CTNND2: variants seen among roughly 807,000 people sequenced by gnomAD.
CTNND2 encodes the protein catenin delta 2.
In CTNND2, 22 loss-of-function variants were observed where a neutral mutation model predicts 144.4. The ratio of observed to expected loss-of-function variants is 0.15; its 90% CI spans 0.11 to 0.22. The LOEUF (loss-of-function observed/expected upper bound fraction) is 0.22. Ranked by LOEUF, CTNND2 falls within the 10% of genes least tolerant of loss-of-function variation. The probability of loss-of-function intolerance (pLI) is 1.00; values close to 1 mark genes in which losing one functional copy is unlikely to be tolerated. For missense variants in CTNND2, 1,353 were observed against 1,618.8 expected (o/e 0.84, Z 2.82); for synonymous variants, 751 against 695.6 (o/e 1.08, Z -1.25).
rs553603126 is a variant in CTNND2, at chr5:11,012,103, A to G, written c.3084+5871T>C. On this transcript the variant is annotated intron_variant, in intron 18 of 21. Transcript: ENST00000304623. ...AGCTTGGAAAAGGGTTGTTGAATTA[A>G]TGGCAGCAACTCCCATGGATATATT... Among the ~76,000 whole-genome samples the G allele has an allele frequency of 3.9e-5, 6 of 152,302 alleles. No individual in the cohort carries two copies. The East Asian group carries it at 7.7e-4, about 20-fold the overall frequency.
intron 3 of CTNND2, among the ~76,000 whole-genome samples, chr5:11,465,304 T>C (rs1179559510): frequency 6.8e-6 from 1 of 147,688 alleles, no homozygotes; most frequent in African/African-American, 2.4e-5. Context: ...AAACTGAACT[T>C]TTTTTTTTTT....
chr5:11,781,572 C>T (rs1790543272), intron 1 of CTNND2, among the ~76,000 whole-genome samples: 1 of 152,208 alleles, frequency 6.6e-6, no homozygotes, highest in African/African-American at 2.4e-5. Flanking sequence ...TCTTTGAACA[C>T]AACCTCTGTT....
At chr5:11,372,488 G>T (rs1221998292) in intron 7 of CTNND2, among the ~76,000 whole-genome samples, 1 of 152,142 alleles carries the variant, frequency 6.6e-6, no homozygotes, top group East Asian at 1.9e-4. Flanking sequence ...CTAGTGAAAT[G>T]GATGGAGTGT....
Position 11,698,358 on chromosome 5 carries a change from G to A in CTNND2, c.174+33778C>T, listed in dbSNP as rs549082893. 1.3e-4 allele frequency among the ~76,000 whole-genome samples: 19 copies of A among 150,384 alleles called. No individual in the cohort carries two copies. The East Asian group carries it at 2.9e-3, about 23-fold the overall frequency. ...GGCTGGAATGCAGTGGCGCGATCTC[G>A]GCCCCCTGAAACCTCCGCCTCCTGG... is the stretch of plus-strand genomic sequence containing the variant. On this transcript the variant is annotated intron_variant, in intron 2 of 21. Coordinates refer to ENST00000304623, the MANE Select transcript of CTNND2 (RefSeq NM_001332.4).
At chr5:11,447,103 G>A (rs1204992715) in intron 3 of CTNND2, among the ~76,000 whole-genome samples, 4 of 152,138 alleles carry the variant, frequency 2.6e-5, no homozygotes, top group Non-Finnish European at 5.9e-5. Flanking sequence ...TTATCTGTCA[G>A]GCGGCTAAGG....
At chr5:11,455,662 T>C (rs1252118783) in intron 3 of CTNND2, among the ~76,000 whole-genome samples, 2 of 152,226 alleles carry the variant, frequency 1.3e-5, no homozygotes, top group South Asian at 2.1e-4. Flanking sequence ...GAGGTGTTGG[T>C]TTAAAATCAA....
At position 11,904,003 on chromosome 5, in the gene CTNND2, G is replaced by GCCCCT; in HGVS notation, c.-151_-150insAGGGG. 1.1e-6 allele frequency: 1 copy of GCCCCT among 927,558 alleles called. No individual in the cohort carries two copies. Among genetic ancestry groups the GCCCCT allele is most frequent in the Non-Finnish European group, 1.4e-6 (1 of 715,094 alleles). 57.5% of individuals were successfully genotyped at this position (927,558 alleles called of 1,614,324 possible). On this transcript the variant is annotated 5_prime_UTR_variant, in exon 1 of 22. Transcript: ENST00000304623. The surrounding 1 kb of genome is among the most constrained non-coding windows in gnomAD (Gnocchi z 4.2). Reference sequence around the variant, plus strand: ...CGCGGGACAAGGGATGCTGGCGGGCGGCAGGGGCGAGCGCCGCGGGCGAGA... The same window carrying GCCCCT: ...CGCGGGACAAGGGATGCTGGCGGGCGCCCCTGCAGGGGCGAGCGCCGCGGGCGAGA...
intron 2 of CTNND2, among the ~76,000 whole-genome samples, chr5:11,594,712 C>T (rs1217947198): frequency 1.3e-5 from 2 of 152,260 alleles, no homozygotes; most frequent in Non-Finnish European, 1.5e-5. Context: ...ACAAAACCTA[C>T]ATGTTCATGA....
intron 16 of CTNND2, among the ~76,000 whole-genome samples, chr5:11,045,331 T>C (rs1745121886): frequency 6.6e-6 from 1 of 151,822 alleles, no homozygotes; most frequent in Admixed American, 6.6e-5. Context: ...GGGAAGCCAG[T>C]GTGTGCAGAG....
chr5:11,838,966 T>A (rs1189770351), intron 1 of CTNND2, among the ~76,000 whole-genome samples: 1 of 152,166 alleles, frequency 6.6e-6, no homozygotes, highest in Non-Finnish European at 1.5e-5. Context: ...GCTCAATAAA[T>A]ATTGTGGAAA....
chr5:11,401,472 G>C (rs1454859271), intron 5 of CTNND2, among the ~76,000 whole-genome samples: 2 of 152,180 alleles, frequency 1.3e-5, no homozygotes, highest in Non-Finnish European at 2.9e-5. Flanking sequence ...TGGAGTATCT[G>C]AACGTGTGTT....
Position 10,973,631 on chromosome 5 carries a change from T to C in CTNND2, c.3500A>G (p.Tyr1167Cys), listed in dbSNP as rs1459965433. The part of the protein sequence containing the change: ...YQPFQNSTRN[Y>C]DESFFEDQVH... ...CTGGTCCTCGAAGAAGGACTCATCG[T>C]AATTTCTTGTGGAATTCTGAAATGG... The change falls in exon 22 of 22, where the codon TAC becomes TGC. Residue 1167 changes from tyrosine to cysteine, a missense_variant. This residue lies in a region of CTNND2 where 459 missense variants were observed against 674.3 expected (regional missense o/e 0.68). Coordinates refer to ENST00000304623, the MANE Select transcript of CTNND2 (RefSeq NM_001332.4). The surrounding 1 kb of genome is among the most constrained non-coding windows in gnomAD (Gnocchi z 5.6). The C allele has an allele frequency of 3.7e-6, 6 of 1,614,202 alleles. No homozygotes were observed. Among genetic ancestry groups the C allele is most frequent in the Non-Finnish European group, 5.1e-6 (6 of 1,180,012 alleles).
intron 9 of CTNND2, among the ~76,000 whole-genome samples, chr5:11,309,776 A>T (rs1185517745): frequency 6.6e-6 from 1 of 152,180 alleles, no homozygotes; most frequent in Non-Finnish European, 1.5e-5. Context: ...TCTTGTGTCA[A>T]ATTGTAATTC....
chr5:11,226,085 GC>G (rs888050367), intron 10 of CTNND2, among the ~76,000 whole-genome samples: 6 of 152,184 alleles, frequency 3.9e-5, no homozygotes, highest in Non-Finnish European at 7.3e-5. Context: ...CCATGGCCCT[GC>G]CCCTTCTCAA....
chr5:11,641,503 G>A (rs573654638), intron 2 of CTNND2, among the ~76,000 whole-genome samples: 154 of 149,384 alleles, frequency 1.0e-3, no homozygotes, highest in African/African-American at 3.4e-3. Context: ...ACATATACAC[G>A]TATATGTACA....
chr5:11,005,248 G>C (rs1740359497), intron 18 of CTNND2, among the ~76,000 whole-genome samples: 1 of 152,218 alleles, frequency 6.6e-6, no homozygotes, highest in South Asian at 2.1e-4. Flanking sequence ...AAGAGCAAGG[G>C]GAAGCAAGAA....
chr5:11,262,064 T>C (rs565189033), intron 9 of CTNND2, among the ~76,000 whole-genome samples: 22 of 152,266 alleles, frequency 1.4e-4, no homozygotes, highest in Middle Eastern at 3.4e-3. Context: ...TTAAAAAAGA[T>C]AGGAGGCCCC....
At chr5:11,112,614 A>G (rs559242709) in intron 13 of CTNND2, among the ~76,000 whole-genome samples, 2 of 152,344 alleles carry the variant, frequency 1.3e-5, no homozygotes, top group East Asian at 1.9e-4. Context: ...AAAGTAACAC[A>G]GCGTGCAAGT....
intron 18 of CTNND2, among the ~76,000 whole-genome samples, chr5:11,005,750 G>A (rs1271123533): frequency 2.6e-5 from 4 of 152,212 alleles, no homozygotes; most frequent in African/African-American, 9.6e-5. Flanking sequence ...CAGCTGATGA[G>A]CCATCTAAGT....
Sources: allele counts gnomAD v4.1 joint callset (sites outside exome capture counted in the v4.1 genomes callset), GRCh38; gene constraint gnomAD v4.1.1; regional missense constraint gnomAD v4.1.1; non-coding constraint Gnocchi (gnomAD v3.1); transcripts MANE v1.5; gene names NCBI Gene and HGNC (gene_info 2026-07-23, HGNC 2026-07-21).